The following ANKRD30B variants were observed in gnomAD, a reference collection of about 807,000 sequenced individuals.
The protein encoded by ANKRD30B is ankyrin repeat domain-containing protein 30B.
In ANKRD30B, 144 loss-of-function variants were observed where a neutral mutation model predicts 202.2. The ratio of observed to expected loss-of-function variants is 0.71; its 90% CI spans 0.62 to 0.82. The LOEUF is 0.82. Ranked by LOEUF, ANKRD30B falls within the 40% of genes least tolerant of loss-of-function variation. The probability of loss-of-function intolerance (pLI) is 0.00; values close to 1 mark genes in which losing one functional copy is unlikely to be tolerated. For missense variants in ANKRD30B, 1,487 were observed against 1,669.1 expected (o/e 0.89, Z 1.90); for synonymous variants, 508 against 561.3 (o/e 0.91, Z 1.34).
chr18:14,853,535 C>CT (rs201106360), intron 42 of ANKRD30B, among the ~76,000 whole-genome samples: 73,677 of 141,878 alleles, frequency 0.52, 18,856 homozygotes, highest in Non-Finnish European at 0.53. Flanking sequence ...CTAGTCCTGC[C>CT]TTTTTTTTTT....
At chr18:14,901,833 G>C in the ANKRD30B span, among the ~76,000 whole-genome samples, 1 of 152,100 alleles carries the variant, frequency 6.6e-6, no homozygotes, top group African/African-American at 2.4e-5. Context: ...AGATTGCTTT[G>C]AGGAACTAAG....
downstream of ANKRD30B, among the ~76,000 whole-genome samples, chr18:14,858,681 A>G (rs1972137824): frequency 6.9e-6 from 1 of 143,942 alleles, no homozygotes; most frequent in South Asian, 2.1e-4. Context: ...CTCACATCCC[A>G]GACGATGGGT....
intron 14 of ANKRD30B, 111 bp from the exon 15 acceptor site, chr18:14,786,928 G>C: frequency 9.3e-7 from 1 of 1,077,108 alleles, no homozygotes; most frequent in Non-Finnish European, 1.3e-6. Context: ...GAATATACAG[G>C]CTACAGAGGA....
intron 16 of ANKRD30B, among the ~76,000 whole-genome samples, chr18:14,793,011 C>A (rs561593390): frequency 1.6e-4 from 24 of 152,156 alleles, no homozygotes; most frequent in Non-Finnish European, 2.5e-4. Context: ...ATGTCTGTTG[C>A]AACTAAATTT....
intron 32 of ANKRD30B, 90 bp downstream of exon 32, chr18:14,822,767 C>T (rs1199838533): frequency 4.4e-6 from 6 of 1,349,206 alleles, no homozygotes; most frequent in Non-Finnish European, 5.9e-6. Flanking sequence ...ATGTTGTTTT[C>T]TTTTCAAAAT....
intron 30 of ANKRD30B, among the ~76,000 whole-genome samples, chr18:14,821,107 G>A (rs1047767879): frequency 3.9e-5 from 6 of 152,140 alleles, no homozygotes; most frequent in African/African-American, 1.4e-4. Context: ...TGTGTGTATC[G>A]AGGAATTTAT....
chr18:14,877,124 G>A, the ANKRD30B span, among the ~76,000 whole-genome samples: 1 of 152,242 alleles, frequency 6.6e-6, no homozygotes, highest in African/African-American at 2.4e-5. Context: ...CACAGGAGCA[G>A]TACCATTGTT....
chr18:14,932,895 A>G, the ANKRD30B span, among the ~76,000 whole-genome samples: 2 of 152,366 alleles, frequency 1.3e-5, no homozygotes, highest in East Asian at 1.9e-4. Context: ...TAACAGCTTA[A>G]TCATTATAAT....
chr18:14,897,744 TA>T, the ANKRD30B span, among the ~76,000 whole-genome samples: 9 of 152,272 alleles, frequency 5.9e-5, no homozygotes, highest in East Asian at 1.7e-3. Flanking sequence ...GTCAAATGAA[TA>T]AAATGTCCCT....
intron 6 of ANKRD30B, among the ~76,000 whole-genome samples, chr18:14,761,931 C>T (rs1277321890): frequency 6.6e-6 from 1 of 152,130 alleles, no homozygotes; most frequent in African/African-American, 2.4e-5. Context: ...TTGACTCCTC[C>T]AAAACTTTGC....
Position 14,771,451 on chromosome 18 carries a change from G to C in ANKRD30B, c.1257-705G>C, listed in dbSNP as rs186262508. On this transcript the variant is annotated intron_variant, in intron 8 of 43. Coordinates refer to ENST00000690538, the MANE Select transcript of ANKRD30B (RefSeq NM_001367607.2). ...AGTTTATGTAGACCTGAACAAGGAAGGACAAGTATAAAATAAGTAGTTAGA... is the reference window on the plus strand; with the variant it reads ...AGTTTATGTAGACCTGAACAAGGAACGACAAGTATAAAATAAGTAGTTAGA... Among the ~76,000 whole-genome samples, 238 of 152,236 alleles carry C rather than the reference G, an allele frequency of 1.6e-3. 1 individual carries two copies. The highest frequency in any genetic ancestry group is 6.8e-3 in the Middle Eastern group (2 of 294).
chr18:14,930,504 G>A, the ANKRD30B span, among the ~76,000 whole-genome samples: 2 of 152,158 alleles, frequency 1.3e-5, no homozygotes, highest in Non-Finnish European at 2.9e-5. Context: ...GCTGGAGAGT[G>A]GAGAGGAAGG....
Position 14,782,532 on chromosome 18 carries a change from C to A in ANKRD30B, c.1488C>A (p.Leu496=). 1 of 1,577,256 alleles carries A rather than the reference C, an allele frequency of 6.3e-7. No homozygotes were observed. The highest frequency in any genetic ancestry group is 1.2e-5 in the South Asian group (1 of 83,458). Reference sequence around the variant, plus strand: ...ATTGATACTACTTTTAACAGAGTCTCTTTGAGAGTTCTGCAAAGACTCAAG... The same window carrying A: ...ATTGATACTACTTTTAACAGAGTCTATTTGAGAGTTCTGCAAAGACTCAAG... ...DEEYSWDSGS[L]FESSAKTQVC... The change falls in exon 12 of 44, where the codon CTC becomes CTA. Residue 496 remains leucine, a synonymous_variant. Transcript: ENST00000690538.
At chr18:14,879,082 C>T in the ANKRD30B span, among the ~76,000 whole-genome samples, 3 of 151,728 alleles carry the variant, frequency 2.0e-5, no homozygotes, top group African/African-American at 7.3e-5. Context: ...CGGGGGACAC[C>T]GCGAAGGCAG....
At chr18:14,766,290 G>A (rs1346296457) in intron 7 of ANKRD30B, among the ~76,000 whole-genome samples, 1 of 151,438 alleles carries the variant, frequency 6.6e-6, no homozygotes, top group African/African-American at 2.4e-5. Context: ...GGCTAACACG[G>A]GTGAAACCCC....
At chr18:14,855,066 T>C (rs1315204269), downstream of ANKRD30B, among the ~76,000 whole-genome samples, 1 of 152,130 alleles carries the variant, frequency 6.6e-6, no homozygotes, top group Non-Finnish European at 1.5e-5. Context: ...TTCCATAGTG[T>C]TTGTGTCCCT....
chr18:14,860,328 C>T, the ANKRD30B span, among the ~76,000 whole-genome samples: 9 of 125,606 alleles, frequency 7.2e-5, no homozygotes, highest in South Asian at 2.9e-4. Flanking sequence ...CAGGCAGTGG[C>T]GCTCCTCACT....
At chr18:14,766,472 C>CAAAAAAAAA (rs1168681924) in intron 7 of ANKRD30B, among the ~76,000 whole-genome samples, 12 of 55,600 alleles carry the variant, frequency 2.2e-4, no homozygotes, top group Admixed American at 3.4e-4. Flanking sequence ...GACTCCATCT[C>CAAAAAAAAA]AAAAAAAAAA....
the ANKRD30B span, among the ~76,000 whole-genome samples, chr18:14,897,228 G>A: frequency 4.6e-5 from 7 of 152,164 alleles, no homozygotes; most frequent in Non-Finnish European, 8.8e-5. Flanking sequence ...TAGTGAGAGG[G>A]TGGAAAAAGA....
Sources: gnomAD v4.1 joint callset for allele counts (sites outside exome capture counted in the v4.1 genomes callset) on GRCh38, gnomAD v4.1.1 for gene constraint, MANE v1.5 for transcripts, NCBI Gene and HGNC (gene_info 2026-07-23, HGNC 2026-07-21) for gene names.